ADGRV1: variants seen among roughly 807,000 people sequenced by gnomAD.
The protein encoded by ADGRV1 is G-protein coupled receptor 98.
A neutral mutation model predicts 596.2 loss-of-function variants in ADGRV1; 359 were observed. The observed-to-expected ratio is 0.60, with a 90% CI of 0.55 to 0.66. The LOEUF (loss-of-function observed/expected upper bound fraction) is 0.66. ADGRV1 is among the 30% of genes least tolerant of loss of function. The pLI, the probability that ADGRV1 is intolerant of heterozygous loss-of-function variation, is 0.00. For synonymous variants in ADGRV1, 2,681 were observed against 2,679.2 expected (o/e 1.00, Z -0.02); for missense variants, 7,274 against 7,575.6 (o/e 0.96, Z 1.48).
chr5:91,013,946 C>T (rs374017821), intron 85 of ADGRV1, among the ~76,000 whole-genome samples: 3 of 151,906 alleles, frequency 2.0e-5, no homozygotes, highest in African/African-American at 7.3e-5. Context: ...ATCCCAGCAC[C>T]ATTTATTGAA....
intron 57 of ADGRV1, among the ~76,000 whole-genome samples, chr5:90,758,700 C>T (rs1167805280): frequency 6.6e-6 from 1 of 152,126 alleles, no homozygotes. Context: ...GATTTAATTT[C>T]ATTTTCTGAT....
In ADGRV1 at chr5:90,683,916, C is replaced by T. The variant is rs1169418106; in HGVS notation, c.5995C>T (p.Leu1999=). 6.2e-7 allele frequency: 1 copy of T among 1,613,640 alleles called. No individual in the cohort carries two copies. Among genetic ancestry groups the T allele is most frequent in the Non-Finnish European group, 8.5e-7 (1 of 1,179,726 alleles). The change falls in exon 28 of 90, where the codon CTA becomes TTA. Residue 1999 remains leucine, a synonymous_variant. Transcript: ENST00000405460. ...TGAGGAAGCAACCCAGAACATCACA[C>T]TATCAATAATAAGGTTGAAAGGCCT... ...KVEEATQNIT[L]SIIRLKGLMG... is the part of the protein sequence containing the mutation.
At position 90,697,029 on chromosome 5, in the gene ADGRV1, G is replaced by C. The variant is rs1747275959; in HGVS notation, c.8038G>C (p.Gly2680Arg). 20 of 1,613,204 alleles carry C rather than the reference G, an allele frequency of 1.2e-5. No individual in the cohort carries two copies. Among genetic ancestry groups the C allele is most frequent in the Non-Finnish European group, 1.7e-5 (20 of 1,179,458 alleles). Reference protein sequence around the residue: ...SIIVSLVYTEGGSRILPSSDT... With the variant: ...SIIVSLVYTERGSRILPSSDT... ...CATAGTTAGTTTGGTGTACACTGAAGGTGGAAGTAGAATTTTGCCAAGCTC... is the reference window on the plus strand; with the variant it reads ...CATAGTTAGTTTGGTGTACACTGAACGTGGAAGTAGAATTTTGCCAAGCTC... The change falls in exon 34 of 90, where the codon GGT becomes CGT. Residue 2680 changes from glycine (G) to arginine (R), a missense_variant. Physicochemically the swap from Gly to Arg is moderately radical, Grantham distance 125. Around this residue, in one of 5 missense-constraint regions of ADGRV1, gnomAD observed 3,643 missense variants for 3,809.2 expected, o/e 0.96. Transcript: ENST00000405460.
At chr5:90,681,140 A>G (rs542994335) in intron 26 of ADGRV1, among the ~76,000 whole-genome samples, 175 bp from the exon 27 acceptor site, 2 of 152,354 alleles carry the variant, frequency 1.3e-5, no homozygotes, top group Admixed American at 6.5e-5. Context: ...AAAGGTCATA[A>G]AAGCATGAAT....
chr5:91,043,850 CT>C (rs1218400097), intron 85 of ADGRV1, among the ~76,000 whole-genome samples: 1 of 151,824 alleles, frequency 6.6e-6, no homozygotes, highest in Non-Finnish European at 1.5e-5. Context: ...TCCTGGTCAT[CT>C]TTTTCACTGT....
Position 90,645,964 on chromosome 5 carries a change from A to G in ADGRV1, c.2899-4A>G, listed in dbSNP as rs1391970734. 6.3e-7 allele frequency: 1 copy of G among 1,581,234 alleles called. No individual in the cohort carries two copies. Among genetic ancestry groups the G allele is most frequent in the East Asian group, 2.3e-5 (1 of 44,152 alleles). On this transcript the variant is annotated splice_polypyrimidine_tract_variant and splice_region_variant and intron_variant, in intron 15 of 89. Transcript: ENST00000405460. Reference sequence around the variant, plus strand: ...TGACTTAAAACGTGTAACATTTTCCAAAGATTCCAGAAGAAATGGAAGAAT... The same window carrying G: ...TGACTTAAAACGTGTAACATTTTCCGAAGATTCCAGAAGAAATGGAAGAAT...
chr5:90,907,632 A>G (rs1178720035), intron 83 of ADGRV1, among the ~76,000 whole-genome samples: 3 of 152,144 alleles, frequency 2.0e-5, no homozygotes, highest in South Asian at 2.1e-4. Flanking sequence ...TACCTGGTGA[A>G]TTGCTATTCA....
At chr5:91,102,462 A>G in intron 87 of ADGRV1, 122 bp downstream of exon 87, 3 of 730,412 alleles carry the variant, frequency 4.1e-6, no homozygotes, top group Non-Finnish European at 6.1e-6. Context: ...TAATAACATC[A>G]TATAGAGTTG....
intron 84 of ADGRV1, among the ~76,000 whole-genome samples, chr5:90,974,512 A>G (rs1357967909): frequency 6.6e-6 from 1 of 152,150 alleles, no homozygotes; most frequent in Non-Finnish European, 1.5e-5. Context: ...ATATAGACCA[A>G]TGGAACAGAA....
At chr5:90,969,927 A>T (rs1226191622) in intron 84 of ADGRV1, among the ~76,000 whole-genome samples, 1 of 152,242 alleles carries the variant, frequency 6.6e-6, no homozygotes, top group Non-Finnish European at 1.5e-5. Flanking sequence ...AGGGCGAGGC[A>T]TCGCCTCACC....
chr5:90,858,483 T>G (rs2150428252), intron 82 of ADGRV1, among the ~76,000 whole-genome samples: 1 of 152,202 alleles, frequency 6.6e-6, no homozygotes, highest in East Asian at 1.9e-4. Flanking sequence ...AATCTTTTTT[T>G]TTTGAGACAG....
At chr5:90,929,735 T>C (rs1022385738) in intron 83 of ADGRV1, 1 of 152,256 alleles carries the variant, frequency 6.6e-6, no homozygotes, top group South Asian at 2.1e-4. Context: ...ATGTTACTAT[T>C]AATGATTAGG....
intron 89 of ADGRV1, among the ~76,000 whole-genome samples, 183 bp from the exon 90 acceptor site, chr5:91,163,599 C>T (rs1797128344): frequency 6.6e-6 from 1 of 151,972 alleles, no homozygotes; most frequent in African/African-American, 2.4e-5. Flanking sequence ...TAAAAAACTG[C>T]CAAAGGAAAT....
intron 25 of ADGRV1, among the ~76,000 whole-genome samples, chr5:90,678,273 G>A (rs1051874606): frequency 2.6e-5 from 4 of 151,978 alleles, no homozygotes; most frequent in Admixed American, 1.3e-4. Flanking sequence ...ACGTATGGAT[G>A]TGGCTTTGCT....
intron 67 of ADGRV1, among the ~76,000 whole-genome samples, chr5:90,785,269 G>T (rs1276265806): frequency 6.6e-6 from 1 of 152,214 alleles, no homozygotes; most frequent in Non-Finnish European, 1.5e-5. Context: ...ATGGATTAAA[G>T]ACTTAAATGT....
intron 67 of ADGRV1, among the ~76,000 whole-genome samples, chr5:90,786,397 A>G (rs1312953027): frequency 2.6e-5 from 4 of 152,214 alleles, no homozygotes; most frequent in Non-Finnish European, 5.9e-5. Context: ...CTTAAAGTAT[A>G]ATAATAAATA....
At chr5:90,819,424 G>C (rs988942517) in intron 75 of ADGRV1, among the ~76,000 whole-genome samples, 4 of 151,102 alleles carry the variant, frequency 2.6e-5, no homozygotes, top group Admixed American at 6.6e-5. Context: ...CTTCAGTTCT[G>C]CTCTGATTTT....
chr5:90,845,180 C>T (rs542263071), intron 78 of ADGRV1, among the ~76,000 whole-genome samples: 2 of 139,854 alleles, frequency 1.4e-5, no homozygotes, highest in East Asian at 1.9e-4. Context: ...TCCTAGGCTT[C>T]GTGGTCACCA....
At chr5:91,043,317 A>G (rs958474763) in intron 85 of ADGRV1, among the ~76,000 whole-genome samples, 1 of 152,194 alleles carries the variant, frequency 6.6e-6, no homozygotes, top group African/African-American at 2.4e-5. Context: ...AAGGTTTGTC[A>G]GGTTCAAGCT....
Sources: gnomAD v4.1 joint callset for allele counts (sites outside exome capture counted in the v4.1 genomes callset) on GRCh38, gnomAD v4.1.1 for gene constraint, gnomAD v4.1.1 regional missense constraint, MANE v1.5 for transcripts, NCBI Gene and HGNC (gene_info 2026-07-23, HGNC 2026-07-21) for gene names.